The following FBXL17 variants were observed in gnomAD, a reference collection of about 807,000 sequenced individuals.
The protein encoded by FBXL17 is F-box/LRR-repeat protein 17.
Under a neutral mutation model 66.2 loss-of-function variants are expected in FBXL17, and 22 were observed. The observed-to-expected ratio is 0.33, with a 90% CI of 0.24 to 0.47. The LOEUF (loss-of-function observed/expected upper bound fraction) is 0.47, where lower values mean the gene tolerates loss of function less well. Ranked by LOEUF, FBXL17 falls within the 20% of genes least tolerant of loss-of-function variation. The pLI, the probability that FBXL17 is intolerant of heterozygous loss-of-function variation, is 1.00. For synonymous variants in FBXL17, 474 were observed against 400.5 expected, an observed-to-expected ratio of 1.18 and a Z score of -2.19; for missense variants, 878 against 948.2, an observed-to-expected ratio of 0.93 and a Z score of 0.97.
intron 4 of FBXL17, among the ~76,000 whole-genome samples, chr5:108,307,431 C>T (rs550850991): frequency 4.6e-5 from 7 of 152,078 alleles, no homozygotes; most frequent in Admixed American, 2.0e-4. Context: ...CTCAGCTTCC[C>T]GAGTAGTTGG....
intron 6 of FBXL17, among the ~76,000 whole-genome samples, chr5:108,154,201 G>A (rs1416819767): frequency 1.3e-5 from 2 of 149,008 alleles, no homozygotes; most frequent in Admixed American, 1.4e-4. Flanking sequence ...GAGAGAGAGA[G>A]AGGAGAGAAA....
intron 7 of FBXL17, among the ~76,000 whole-genome samples, chr5:107,967,927 T>C (rs1286117027): frequency 6.6e-6 from 1 of 152,172 alleles, no homozygotes; most frequent in Non-Finnish European, 1.5e-5. Flanking sequence ...TCTGCTTCAA[T>C]GATAAACTGG....
intron 1 of FBXL17, 98 bp downstream of exon 1, chr5:108,380,601 C>T: frequency 1.3e-6 from 1 of 763,608 alleles, no homozygotes; most frequent in East Asian, 3.4e-5. Flanking sequence ...CAGGGAACCC[C>T]CCTCCTCCGC....
At chr5:108,299,431 C>G (rs906919104) in intron 4 of FBXL17, 1 of 950,620 alleles carries the variant, frequency 1.1e-6, no homozygotes, top group African/African-American at 1.8e-5. Flanking sequence ...TACTAAAAAA[C>G]AAAGACACAC....
chr5:108,076,323 T>C (rs1748546158), intron 6 of FBXL17, among the ~76,000 whole-genome samples: 1 of 152,192 alleles, frequency 6.6e-6, no homozygotes, highest in Non-Finnish European at 1.5e-5. Flanking sequence ...AATCAGATTG[T>C]CCAGGCATTG....
At chr5:108,268,672 T>C (rs929984593) in intron 4 of FBXL17, among the ~76,000 whole-genome samples, 4 of 152,092 alleles carry the variant, frequency 2.6e-5, no homozygotes, top group African/African-American at 9.7e-5. Context: ...TTTAAAGATA[T>C]TTACATACTA....
At chr5:108,147,291 C>A (rs1415190007) in intron 6 of FBXL17, among the ~76,000 whole-genome samples, 1 of 152,202 alleles carries the variant, frequency 6.6e-6, no homozygotes, top group Non-Finnish European at 1.5e-5. Flanking sequence ...CTCTGTCTCT[C>A]CTTTGCTATC....
At chr5:108,170,823 C>T (rs1321059966) in intron 6 of FBXL17, among the ~76,000 whole-genome samples, 2 of 152,138 alleles carry the variant, frequency 1.3e-5, no homozygotes, top group African/African-American at 2.4e-5. Context: ...TATGAGCCAC[C>T]GTGCCCAGCA....
intron 6 of FBXL17, among the ~76,000 whole-genome samples, chr5:108,162,493 A>AAAAC (rs930026283): frequency 4.6e-5 from 7 of 152,188 alleles, no homozygotes; most frequent in African/African-American, 1.7e-4. Context: ...CTGTCTCTAA[A>AAAAC]AAACAAACAA....
At chr5:108,179,649 T>C (rs1216976002) in intron 6 of FBXL17, among the ~76,000 whole-genome samples, 1 of 152,140 alleles carries the variant, frequency 6.6e-6, no homozygotes, top group Non-Finnish European at 1.5e-5. Flanking sequence ...AGCACTCTGT[T>C]TGAACACTAA....
chr5:107,882,441 A>G (rs1561516551), intron 7 of FBXL17, among the ~76,000 whole-genome samples: 1 of 152,192 alleles, frequency 6.6e-6, no homozygotes, highest in Non-Finnish European at 1.5e-5. Flanking sequence ...GTTTATAAAA[A>G]CAACAATCAT....
intron 4 of FBXL17, among the ~76,000 whole-genome samples, chr5:108,328,208 A>G (rs1425083082): frequency 6.6e-6 from 1 of 152,172 alleles, no homozygotes; most frequent in Non-Finnish European, 1.5e-5. Context: ...ATGACCAAGT[A>G]TATAGTATTG....
In FBXL17 at chr5:107,860,855, A is replaced by G. The variant is rs1175338396; in HGVS notation, c.*865T>C. The G allele has an allele frequency of 1.3e-5, 2 of 152,266 alleles. No individual in the cohort carries two copies. Among genetic ancestry groups the G allele is most frequent in the African/African-American group, 4.8e-5 (2 of 41,468 alleles). 9.4% of individuals were successfully genotyped at this position (152,266 alleles called of 1,614,324 possible). Reference sequence around the variant, plus strand: ...GATCTGTAGTTTTTAAAATAACTGCACACCATTAATTACATTGGTGGCTTC... The same window carrying G: ...GATCTGTAGTTTTTAAAATAACTGCGCACCATTAATTACATTGGTGGCTTC... On this transcript the variant is annotated 3_prime_UTR_variant, in exon 9 of 9. Coordinates refer to ENST00000542267, the MANE Select transcript of FBXL17 (RefSeq NM_001163315.3).
At chr5:107,869,067 T>C (rs1186201224) in intron 8 of FBXL17, among the ~76,000 whole-genome samples, 2 of 152,162 alleles carry the variant, frequency 1.3e-5, no homozygotes, top group East Asian at 1.9e-4. Context: ...GCCCACAGTA[T>C]ATCTGTGAAG....
intron 6 of FBXL17, among the ~76,000 whole-genome samples, chr5:108,028,384 A>G (rs1427949346): frequency 5.9e-5 from 9 of 152,276 alleles, no homozygotes; most frequent in African/African-American, 9.6e-5. Flanking sequence ...CTTAACTGCT[A>G]TAAGTATTGA....
At chr5:107,957,146 G>C (rs1013507608) in intron 7 of FBXL17, among the ~76,000 whole-genome samples, 1 of 151,970 alleles carries the variant, frequency 6.6e-6, no homozygotes, top group Non-Finnish European at 1.5e-5. Context: ...TCAACCTTTC[G>C]GTGTCACTGA....
At chr5:107,878,723 C>G (rs1354184350) in intron 8 of FBXL17, 1 of 985,346 alleles carries the variant, frequency 1.0e-6, no homozygotes, top group African/African-American at 1.7e-5. Context: ...AACCAACAAG[C>G]AGGCTTTTCT....
intron 6 of FBXL17, among the ~76,000 whole-genome samples, chr5:108,119,621 A>C (rs1750397279): frequency 1.3e-5 from 2 of 152,242 alleles, no homozygotes; most frequent in South Asian, 4.1e-4. Context: ...TTTTTGTCAG[A>C]AAATTAAATA....
chr5:107,945,091 TA>T lies in FBXL17; in HGVS notation c.1823-63913del, dbSNP rs907092693. 7.2e-5 allele frequency among the ~76,000 whole-genome samples: 11 copies of T among 151,732 alleles called. No homozygotes were observed. In the East Asian group the frequency reaches 9.7e-4, roughly 13 times the overall value. ...ATAGAAAAAAATTGAATCTTCTAAA[TA>T]AAAAAAAGATATGAATGGACAATCT... is the stretch of plus-strand genomic sequence containing the variant. On this transcript the variant is annotated intron_variant, in intron 7 of 8. Coordinates refer to ENST00000542267, the MANE Select transcript of FBXL17 (RefSeq NM_001163315.3).
Sources: allele counts gnomAD v4.1 joint callset (sites outside exome capture counted in the v4.1 genomes callset), GRCh38; gene constraint gnomAD v4.1.1; transcripts MANE v1.5; gene names NCBI Gene and HGNC (gene_info 2026-07-23, HGNC 2026-07-21).